OR5T1: variants seen among roughly 807,000 people sequenced by gnomAD.
The protein encoded by OR5T1 is olfactory receptor family 5 subfamily T member 1.
In OR5T1, 14 loss-of-function variants were observed where a neutral mutation model predicts 10.1. That is an observed-to-expected ratio of 1.39 (90% confidence interval 0.92 to 2.18). OR5T1 has a LOEUF of 2.18. Ranked by LOEUF, OR5T1 falls within the 30% of genes most tolerant of loss-of-function variation. The pLI is 0.00. For synonymous variants in OR5T1, 166 were observed against 141.2 expected (o/e 1.18, Z -1.24); for missense variants, 461 against 383.9 (o/e 1.20, Z -1.68).
intron 2 of OR5T1, 43 bp downstream of exon 2, chr11:56,274,796 A>C (rs1055348451): frequency 2.0e-5 from 3 of 152,138 alleles, no homozygotes; most frequent in African/African-American, 7.2e-5. Context: ...AAAAAAAAAA[A>C]AAGGATTTGA....
rs1565096413 is a variant in OR5T1 at position 56,276,240 on chromosome 11, GT to G, written c.604del (p.Ser202LeufsTer5). On this transcript the variant is annotated frameshift_variant, in exon 3 of 3. Coordinates refer to ENST00000641665, the MANE Select transcript of OR5T1 (RefSeq NM_001004745.2). LOFTEE classifies it low-confidence loss of function (END_TRUNC). The stretch of plus-strand genomic sequence containing the variant: ...ATGCCTCCTCTGCTTGCTATTTCTT[GT>G]TCTGACACTCACGTAATCCAGCTTC... ...CNMPPLLAIS[C>X]SDTHVIQLLF... is the part of the protein sequence containing the mutation. 2 of 1,613,996 alleles carry G rather than the reference GT, an allele frequency of 1.2e-6. No individual in the cohort carries two copies. Among genetic ancestry groups the G allele is most frequent in the East Asian group, 4.5e-5 (2 of 44,852 alleles).
intron 2 of OR5T1, among the ~76,000 whole-genome samples, 170 bp downstream of exon 2, chr11:56,274,923 A>G (rs1422114207): frequency 1.3e-5 from 2 of 152,138 alleles, no homozygotes; most frequent in Admixed American, 1.3e-4. Flanking sequence ...TGTTTTTCCC[A>G]TTTAAATACA....
At position 56,276,285 on chromosome 11, in the gene OR5T1, G is replaced by A; in HGVS notation, c.647G>A (p.Gly216Asp). ...CAGCTTCTATTCTTCTACTTTGTGGGCTCTATTGAGATAGTCACTATCCTG... is the reference window on the plus strand; with the variant it reads ...CAGCTTCTATTCTTCTACTTTGTGGACTCTATTGAGATAGTCACTATCCTG... ...VIQLLFFYFV[G>D]SIEIVTILIV... Residue 216 changes from glycine to aspartate, a missense_variant, in exon 3 of 3, where the codon GGC (glycine) becomes GAC (aspartate). Physicochemically the swap from Gly to Asp is moderately conservative, Grantham distance 94. Transcript: ENST00000641665. 1 of 1,613,998 alleles carries A rather than the reference G, an allele frequency of 6.2e-7. No homozygotes were observed.
At position 56,276,408 on chromosome 11, in the gene OR5T1, T is replaced by A; in HGVS notation, c.770T>A (p.Leu257Gln). Residue 257 changes from leucine (L) to glutamine (Q), a missense_variant, in exon 3 of 3, where the codon CTA (leucine) becomes CAA (glutamine). Coordinates refer to ENST00000641665, the MANE Select transcript of OR5T1 (RefSeq NM_001004745.2). The part of the protein sequence containing the change: ...RKVFSTCGAH[L>Q]TGVTIYHGTI... Reference sequence around the variant, plus strand: ...GTCTTCTCTACATGTGGAGCTCACCTAACTGGAGTGACAATTTATCATGGG... The same window carrying A: ...GTCTTCTCTACATGTGGAGCTCACCAAACTGGAGTGACAATTTATCATGGG... The A allele has an allele frequency of 6.2e-7, 1 of 1,614,070 alleles. No homozygotes were observed. Among genetic ancestry groups the A allele is most frequent in the Non-Finnish European group, 8.5e-7 (1 of 1,179,950 alleles).
chr11:56,276,179 T>A lies in OR5T1; in HGVS notation c.541T>A (p.Cys181Ser). ...HTVATFSLSF[C>S]GSNEIRHVFC... ...AGTGGCTACATTTAGCCTGTCCTTC[T>A]GTGGATCCAATGAAATTAGGCATGT... The change falls in exon 3 of 3, where the codon TGT becomes AGT. Residue 181 changes from cysteine (C) to serine (S), a missense_variant. Coordinates refer to ENST00000641665, the MANE Select transcript of OR5T1 (RefSeq NM_001004745.2). The A allele has an allele frequency of 6.2e-7, 1 of 1,614,200 alleles. No individual in the cohort carries two copies. The highest frequency in any genetic ancestry group is 8.5e-7 in the Non-Finnish European group (1 of 1,180,038).
rs1394563160 is a variant in OR5T1 at position 56,276,329 on chromosome 11, G to GGTT, written c.692_694dup (p.Gly231_Phe232insCys). 2.5e-6 allele frequency: 4 copies of GGTT among 1,614,034 alleles called. No individual in the cohort carries two copies. Among genetic ancestry groups the GGTT allele is most frequent in the Non-Finnish European group, 3.4e-6 (4 of 1,180,006 alleles). On this transcript the variant is annotated inframe_insertion, in exon 3 of 3. Coordinates refer to ENST00000641665, the MANE Select transcript of OR5T1 (RefSeq NM_001004745.2). ...TATCCTGATTGTCCTGATCTCCTAT[G>GGTT]GTTTTATTCTGTTGGCCATTCTGAA...
rs1188111589 is a variant in OR5T1, at chr11:56,275,538, G to A, written c.-101G>A. ...TCACCACCTGTGCATTTGCTGACAA[G>A]GATTTCATCTTGCTTTTCCAAGAAA... is the stretch of plus-strand genomic sequence containing the variant. On this transcript the variant is annotated 5_prime_UTR_variant, in exon 3 of 3. Coordinates refer to ENST00000641665, the MANE Select transcript of OR5T1 (RefSeq NM_001004745.2). The A allele has an allele frequency of 4.3e-6, 4 of 921,040 alleles. No homozygotes were observed. The highest frequency in any genetic ancestry group is 2.5e-5 in the East Asian group (1 of 39,964). 57.1% of individuals were successfully genotyped at this position (921,040 alleles called of 1,614,324 possible).
intron 1 of OR5T1, among the ~76,000 whole-genome samples, 188 bp from the exon 2 acceptor site, chr11:56,274,448 G>A (rs1458590477): frequency 2.0e-5 from 3 of 152,024 alleles, no homozygotes; most frequent in African/African-American, 4.8e-5. Context: ...ATAGTAAAAG[G>A]ATAGCCATAA....
In OR5T1 at chr11:56,276,371, GGGA is replaced by G. The variant is rs1211686697; in HGVS notation, c.738_740del (p.Arg247del). ...CATTCTGAAGATGCAGTCTGCTGAA[GGGA>G]GGAGAAAAGTCTTCTCTACATGTGG... On this transcript the variant is annotated inframe_deletion, in exon 3 of 3. Transcript: ENST00000641665. 15 of 1,613,996 alleles carry G rather than the reference GGGA, an allele frequency of 9.3e-6. No homozygotes were observed. Among genetic ancestry groups the G allele is most frequent in the Non-Finnish European group, 1.3e-5 (15 of 1,180,024 alleles).
rs377458042 is a variant in OR5T1 at position 56,275,669 on chromosome 11, T to C, written c.31T>C (p.Tyr11His). 1.3e-5 allele frequency: 21 copies of C among 1,605,144 alleles called. No homozygotes were observed. Among genetic ancestry groups the C allele is most frequent in the Admixed American group, 5.1e-5 (3 of 59,076 alleles). The change falls in exon 3 of 3, where the codon TAC (tyrosine) becomes CAC (histidine). Residue 11 changes from tyrosine to histidine, a missense_variant. Tyr to His is a moderately conservative substitution (Grantham distance 83). Coordinates refer to ENST00000641665, the MANE Select transcript of OR5T1 (RefSeq NM_001004745.2). MSGLPSDMDL[Y>H]KLQLNNFTEV... The stretch of plus-strand genomic sequence containing the variant: ...AGGGTTGCCTTCAGATATGGATCTA[T>C]ACAAGCTTCAATTAAACAATTTTAC...
chr11:56,275,580 A>G lies in OR5T1; in HGVS notation c.-59A>G, dbSNP rs74782118. Reference sequence around the variant, plus strand: ...TCCAAGAAACGAACATGAGGATATAATTGGATAAACTTAATTTTCACAGGC... The same window carrying G: ...TCCAAGAAACGAACATGAGGATATAGTTGGATAAACTTAATTTTCACAGGC... On this transcript the variant is annotated 5_prime_UTR_variant, in exon 3 of 3. The change abolishes the stop of an existing upstream ORF in the 5' untranslated region. Coordinates refer to ENST00000641665, the MANE Select transcript of OR5T1 (RefSeq NM_001004745.2). The G allele has an allele frequency of 0.074, 99,498 of 1,346,990 alleles. 4,188 individuals carry two copies. Among genetic ancestry groups the G allele is most frequent in the Non-Finnish European group, 0.082 (80,885 of 985,402 alleles). The allele number at this position is 1,346,990 out of a possible 1,614,324, so 83.4% of individuals were successfully genotyped here.
In OR5T1 at chr11:56,276,599, T is replaced by C. The variant is rs1565096653; in HGVS notation, c.961T>C (p.Trp321Arg). The change falls in exon 3 of 3, where the codon TGG (tryptophan) becomes CGG (arginine). Residue 321 changes from tryptophan (W) to arginine (R), a missense_variant. Transcript: ENST00000641665. ...AATCAAAAGATTGCTTGTGAGAAAT[T>C]GGTTCATAAATAAGTTATAGTTTTA... ...EAIKRLLVRN[W>R]FINKL 6.2e-7 allele frequency: 1 copy of C among 1,609,652 alleles called. No homozygotes were observed. The highest frequency in any genetic ancestry group is 1.7e-5 in the Admixed American group (1 of 59,540).
At chr11:56,274,197 T>C (rs1442888743) in intron 1 of OR5T1, 25 bp downstream of exon 1, 1 of 152,176 alleles carries the variant, frequency 6.6e-6, no homozygotes, top group Non-Finnish European at 1.5e-5. Context: ...ATCTGATCAC[T>C]TGTAAAATAT....
intron 1 of OR5T1, 61 bp downstream of exon 1, chr11:56,274,233 G>C (rs1286271776): frequency 1.3e-5 from 2 of 152,108 alleles, no homozygotes; most frequent in African/African-American, 4.8e-5. Flanking sequence ...TTGAATTTAA[G>C]ACTAAAACAT....
Position 56,275,768 on chromosome 11 carries a change from T to C in OR5T1, c.130T>C (p.Leu44=), listed in dbSNP as rs146659623. 84 of 1,612,854 alleles carry C rather than the reference T, an allele frequency of 5.2e-5. No homozygotes were observed. Among genetic ancestry groups the C allele is most frequent in the Non-Finnish European group, 6.8e-5 (80 of 1,179,004 alleles). The change falls in exon 3 of 3, where the codon TTA becomes CTA. Residue 44 remains leucine (L), a synonymous_variant. Transcript: ENST00000641665. The part of the protein sequence containing the change: ...DVQVFLFLLF[L]AIYLFTLIGN... ...GCAAGTCTTCCTATTTTTATTATTT[T>C]TAGCAATCTATCTATTCACTCTAAT...
intron 1 of OR5T1, 94 bp from the exon 2 acceptor site, chr11:56,274,542 G>T (rs530529508): frequency 6.6e-6 from 1 of 151,834 alleles, no homozygotes; most frequent in Non-Finnish European, 1.5e-5. Context: ...AAATTGACAC[G>T]TCTGATATTG....
intron 1 of OR5T1, 49 bp from the exon 2 acceptor site, chr11:56,274,586 TA>T (rs1478252142): frequency 2.6e-5 from 4 of 152,052 alleles, no homozygotes; most frequent in Non-Finnish European, 1.5e-5. Flanking sequence ...TAATAATGCT[TA>T]AAAAAACTGC....
At position 56,275,745 on chromosome 11, in the gene OR5T1, A is replaced by C; in HGVS notation, c.107A>C (p.Gln36Pro). The change falls in exon 3 of 3, where the codon CAA (glutamine) becomes CCA (proline). Residue 36 changes from glutamine to proline, a missense_variant. By Grantham distance (76) the Gln-to-Pro change is moderately conservative. Coordinates refer to ENST00000641665, the MANE Select transcript of OR5T1 (RefSeq NM_001004745.2). ...AGCTTCACAGAAGAATTTGATGTGC[A>C]AGTCTTCCTATTTTTATTATTTTTA... ...LISFTEEFDV[Q>P]VFLFLLFLAI... The C allele has an allele frequency of 1.9e-6, 3 of 1,611,586 alleles. No individual in the cohort carries two copies. In the South Asian group the frequency reaches 3.3e-5, roughly 18 times the overall value.
At position 56,276,123 on chromosome 11, in the gene OR5T1, T is replaced by A; in HGVS notation, c.485T>A (p.Val162Asp). The A allele has an allele frequency of 1.2e-6, 2 of 1,614,154 alleles. No homozygotes were observed. Among genetic ancestry groups the A allele is most frequent in the Non-Finnish European group, 1.7e-6 (2 of 1,180,032 alleles). The change falls in exon 3 of 3, where the codon GTT becomes GAT. Residue 162 changes from valine to aspartate, a missense_variant. Coordinates refer to ENST00000641665, the MANE Select transcript of OR5T1 (RefSeq NM_001004745.2). ...VYVPLITASYVASILHATIHT... is the reference protein window; with the variant it reads ...VYVPLITASYDASILHATIHT... ...GTGCCACTCATCACTGCTTCCTATG[T>A]TGCTAGCATTTTACATGCTACTATA... is the stretch of plus-strand genomic sequence containing the variant.
Sources: gnomAD v4.1 joint callset for allele counts (sites outside exome capture counted in the v4.1 genomes callset) on GRCh38, gnomAD v4.1.1 for gene constraint, MANE v1.5 for transcripts, NCBI Gene and HGNC (gene_info 2026-07-23, HGNC 2026-07-21) for gene names.